Variants in NEXMIF observed in about 807,000 individuals in gnomAD.
The protein encoded by NEXMIF is neurite extension and migration factor, also known as XLMR protein related to neurite extension.
In NEXMIF, 8 loss-of-function variants were observed where a neutral mutation model predicts 62.1. That is an observed-to-expected ratio of 0.13 (90% CI 0.08 to 0.23). The LOEUF (loss-of-function observed/expected upper bound fraction) is 0.23, where lower values mean the gene tolerates loss of function less well. Ranked by LOEUF, NEXMIF falls within the 10% of genes least tolerant of loss-of-function variation. NEXMIF has a pLI of 1.00. For missense variants in NEXMIF, 976 were observed against 1,113.3 expected, an observed-to-expected ratio of 0.88 and a Z score of 1.75; for synonymous variants, 404 against 416.6, an observed-to-expected ratio of 0.97 and a Z score of 0.37.
chrX:74,757,954 G>A (rs921152192), intron 1 of NEXMIF, among the ~76,000 whole-genome samples: 1 of 111,756 alleles, frequency 8.9e-6, no homozygotes, highest in Non-Finnish European at 1.9e-5. Flanking sequence ...AGTGCAGCAT[G>A]TTTCATTTAG....
In NEXMIF at chrX:74,742,360, C is replaced by G; in HGVS notation, c.2197G>C (p.Val733Leu). Reference protein sequence around the residue: ...KSEARLKSKKVKAAGQESKPI... With the variant: ...KSEARLKSKKLKAAGQESKPI... The stretch of plus-strand genomic sequence containing the variant: ...TTGCTTTCTTGCCCAGCAGCTTTGA[C>G]TTTCTTAGATTTTAACCTAGCTTCA... Residue 733 changes from valine to leucine, a missense_variant, in exon 3 of 4, where the codon GTC (valine) becomes CTC (leucine). Val to Leu is a conservative substitution (Grantham distance 32). Transcript: ENST00000055682. The G allele has an allele frequency of 3.3e-6, 4 of 1,211,325 alleles. No individual in the cohort carries two copies. The highest frequency in any genetic ancestry group is 4.5e-6 in the Non-Finnish European group (4 of 895,157).
chrX:74,858,407 T>C (rs995979175), intron 1 of NEXMIF, among the ~76,000 whole-genome samples: 1 of 112,459 alleles, frequency 8.9e-6, no homozygotes, highest in East Asian at 2.8e-4. Context: ...CTGTGGATTC[T>C]TATCCAAGAC....
intron 1 of NEXMIF, among the ~76,000 whole-genome samples, chrX:74,830,871 G>C (rs1260841276): frequency 9.0e-6 from 1 of 111,434 alleles, no homozygotes; most frequent in East Asian, 2.8e-4. Context: ...TTGGTATATA[G>C]AAATGCTACT....
At chrX:74,873,335 G>T (rs1218066970) in intron 1 of NEXMIF, among the ~76,000 whole-genome samples, 6 of 111,846 alleles carry the variant, frequency 5.4e-5, no homozygotes, top group Non-Finnish European at 3.8e-5. Flanking sequence ...ATTTTTTATG[G>T]CTGCATAGTA....
In NEXMIF at chrX:74,741,860, T is replaced by C. The variant is rs372787799; in HGVS notation, c.2697A>G (p.Glu899=). Residue 899 remains glutamate (E), a synonymous_variant, in exon 3 of 4, where the codon GAA becomes GAG. Coordinates refer to ENST00000055682, the MANE Select transcript of NEXMIF (RefSeq NM_001008537.3). Reference sequence around the variant, plus strand: ...TCTCCCTTGAGACTTCAGCCATGAATTCCTGGGTGCCAGAAGTAGCCTTGT... The same window carrying C: ...TCTCCCTTGAGACTTCAGCCATGAACTCCTGGGTGCCAGAAGTAGCCTTGT... ...WPNKATSGTQ[E]FMAEVSREIA... is the part of the protein sequence containing the mutation. 3.3e-6 allele frequency: 4 copies of C among 1,210,448 alleles called. No homozygotes were observed. Among genetic ancestry groups the C allele is most frequent in the Middle Eastern group, 2.3e-4 (1 of 4,376 alleles).
chrX:74,816,965 T>G (rs778549637), intron 1 of NEXMIF, among the ~76,000 whole-genome samples: 24 of 112,337 alleles, frequency 2.1e-4, no homozygotes, highest in African/African-American at 7.1e-4. Context: ...TCAATACACT[T>G]GAAAGTCCAA....
intron 1 of NEXMIF, among the ~76,000 whole-genome samples, chrX:74,919,081 T>C (rs185754858): frequency 1.7e-3 from 188 of 112,390 alleles, no homozygotes; most frequent in Non-Finnish European, 2.9e-3. Context: ...ACAAATACCA[T>C]GGTCAGGATG....
chrX:74,796,274 AC>A (rs1479359347), intron 1 of NEXMIF, among the ~76,000 whole-genome samples: 20 of 52,560 alleles, frequency 3.8e-4, no homozygotes, highest in Middle Eastern at 8.9e-3. Context: ...TTATATATAT[AC>A]ATATATATTA....
intron 1 of NEXMIF, among the ~76,000 whole-genome samples, chrX:74,791,940 A>G (rs1179378310): frequency 9.0e-6 from 1 of 110,834 alleles, no homozygotes; most frequent in Non-Finnish European, 1.9e-5. Flanking sequence ...GGATTCACTG[A>G]TTTTTTTGAA....
intron 1 of NEXMIF, among the ~76,000 whole-genome samples, chrX:74,792,101 T>A (rs1403842740): frequency 9.1e-6 from 1 of 110,040 alleles, no homozygotes; most frequent in East Asian, 2.9e-4. Flanking sequence ...TGCTTTCTCT[T>A]GTGGGCATTT....
In NEXMIF at chrX:74,821,548, T is replaced by C. The variant is rs1185151330; in HGVS notation, c.-47-75851A>G. ...TCCTATAGATGAACAATTTTCAGTA[T>C]CCTAAGATGGGGGACAGAGAGAAAA... On this transcript the variant is annotated intron_variant, in intron 1 of 3. Coordinates refer to ENST00000055682, the MANE Select transcript of NEXMIF (RefSeq NM_001008537.3). 5.4e-5 allele frequency among the ~76,000 whole-genome samples: 6 copies of C among 112,079 alleles called. No homozygotes were observed. In the Admixed American group the frequency reaches 5.7e-4, roughly 11 times the overall value.
chrX:74,858,691 G>A (rs1050127010), intron 1 of NEXMIF, among the ~76,000 whole-genome samples: 2 of 111,003 alleles, frequency 1.8e-5, no homozygotes, highest in Non-Finnish European at 3.8e-5. Flanking sequence ...AGGCACCAGG[G>A]GCCAATCCTG....
chrX:74,877,015 T>A (rs1233486688), intron 1 of NEXMIF, among the ~76,000 whole-genome samples: 1 of 111,845 alleles, frequency 8.9e-6, no homozygotes, highest in South Asian at 3.8e-4. Flanking sequence ...TTGTTATGTG[T>A]GAATTTGATC....
At chrX:74,920,243 C>T (rs2080822067) in intron 1 of NEXMIF, among the ~76,000 whole-genome samples, 1 of 110,690 alleles carries the variant, frequency 9.0e-6, no homozygotes, top group East Asian at 3.1e-4. Context: ...GTCCCAGCAA[C>T]AGTGTAAAAG....
rs142784679 is a variant in NEXMIF at position 74,919,426 on chromosome X, G to A, written c.-48+5457C>T. 7.0e-3 allele frequency among the ~76,000 whole-genome samples: 779 copies of A among 111,084 alleles called. 44 individuals carry two copies. In the East Asian group the frequency reaches 0.2, roughly 28 times the overall value. ...AAATATAATCACCTCCCCAAATTGA[G>A]AATCATGGTTTCTTTCAAAGGTGGC... On this transcript the variant is annotated intron_variant, in intron 1 of 3. Coordinates refer to ENST00000055682, the MANE Select transcript of NEXMIF (RefSeq NM_001008537.3).
At chrX:74,789,794 T>A (rs1469279336) in intron 1 of NEXMIF, among the ~76,000 whole-genome samples, 1 of 107,581 alleles carries the variant, frequency 9.3e-6, no homozygotes, top group African/African-American at 3.3e-5. Flanking sequence ...TGTCTGTTCA[T>A]GTCCTTCGCC....
chrX:74,740,138 G>A lies in NEXMIF; in HGVS notation c.4419C>T (p.His1473=). The change falls in exon 3 of 4, where the codon CAC becomes CAT. Residue 1473 remains histidine, a synonymous_variant. Transcript: ENST00000055682. ...AAGAAGCTGTCCCAGACTCATCCTT[G>A]TGGACCTGTTCTCGCTCCATGTGCT... ...KGKHMEREQV[H]KDESGTASFE... is the part of the protein sequence containing the mutation. The A allele has an allele frequency of 1.2e-5, 15 of 1,210,699 alleles. No individual in the cohort carries two copies. The highest frequency in any genetic ancestry group is 1.7e-5 in the Non-Finnish European group (15 of 894,896).
At position 74,732,995 on chromosome X, in the gene NEXMIF, G is replaced by T. The variant is rs886133452; in HGVS notation, c.*6410C>A. On this transcript the variant is annotated 3_prime_UTR_variant, in exon 4 of 4. Coordinates refer to ENST00000055682, the MANE Select transcript of NEXMIF (RefSeq NM_001008537.3). Reference sequence around the variant, plus strand: ...TCTTTGAAGACTGGACACACTAGAAGATGATTCCTCAATTTGAGGGGCAAA... The same window carrying T: ...TCTTTGAAGACTGGACACACTAGAATATGATTCCTCAATTTGAGGGGCAAA... 1 of 111,961 alleles carries T rather than the reference G, an allele frequency of 8.9e-6. No individual in the cohort carries two copies. The highest frequency in any genetic ancestry group is 9.5e-5 in the Admixed American group (1 of 10,556). 9.2% of individuals were successfully genotyped at this position (111,961 alleles called of 1,213,427 possible). A position where few individuals can be genotyped will look rare whatever the true frequency, so the allele number is the denominator to read the frequency against.
chrX:74,760,741 T>C (rs2080173314), intron 1 of NEXMIF, among the ~76,000 whole-genome samples: 1 of 111,682 alleles, frequency 9.0e-6, no homozygotes, highest in Non-Finnish European at 1.9e-5. Flanking sequence ...AAAGTCTAGT[T>C]GATCATGGTG....
Sources: allele counts gnomAD v4.1 joint callset (sites outside exome capture counted in the v4.1 genomes callset), GRCh38; gene constraint gnomAD v4.1.1; transcripts MANE v1.5; gene names NCBI Gene and HGNC (gene_info 2026-07-23, HGNC 2026-07-21).